The following CNTN6 variants were observed in gnomAD, a reference collection of about 807,000 sequenced individuals.
CNTN6 encodes contactin 6, also known as contactin-6.
Under a neutral mutation model 122.8 loss-of-function variants are expected in CNTN6, and 137 were observed. The ratio of observed to expected loss-of-function variants is 1.12; its 90% CI spans 0.97 to 1.29. The LOEUF is 1.29. CNTN6 is among the 50% of genes most tolerant of loss of function. The pLI, the probability that CNTN6 is intolerant of heterozygous loss-of-function variation, is 0.00. For synonymous variants in CNTN6, 570 were observed against 426.0 expected (o/e 1.34, Z -4.16); for missense variants, 1,634 against 1,223.4 (o/e 1.34, Z -5.01).
intron 10 of CNTN6, 48 bp downstream of exon 10, chr3:1,327,634 A>G (rs1202783274): frequency 6.3e-7 from 1 of 1,588,268 alleles, no homozygotes; most frequent in African/African-American, 1.3e-5. Context: ...CGTTTTAACA[A>G]GCTATAATTA....
Position 1,329,831 on chromosome 3 carries a change from T to C in CNTN6, c.1260T>C (p.Phe420=). The C allele has an allele frequency of 6.2e-7, 1 of 1,609,564 alleles. No individual in the cohort carries two copies. The highest frequency in any genetic ancestry group is 8.5e-7 in the Non-Finnish European group (1 of 1,177,826). ...AAAGTCCAGTTAAAAAAAAGTCTTT[T>C]GTTCAAGTTGGTGGGGATATTGTTA... ...FSKSPVKKKS[F]VQVGGDIVIG... is the part of the protein sequence containing the mutation. The change falls in exon 11 of 23, where the codon TTT becomes TTC. Residue 420 remains phenylalanine (F), a synonymous_variant. Transcript: ENST00000446702.
chr3:1,218,879 T>G (rs764748851), intron 2 of CNTN6, among the ~76,000 whole-genome samples: 1 of 152,168 alleles, frequency 6.6e-6, no homozygotes, highest in Non-Finnish European at 1.5e-5. Flanking sequence ...GTTTTTGTTT[T>G]TAACAACAAC....
intron 1 of CNTN6, among the ~76,000 whole-genome samples, chr3:1,094,235 A>G (rs1200386233): frequency 6.6e-6 from 1 of 152,140 alleles, no homozygotes; most frequent in Non-Finnish European, 1.5e-5. Flanking sequence ...ATTGTATTTT[A>G]TAAGGAAAGA....
At position 1,236,242 on chromosome 3, in the gene CNTN6, C is replaced by T. The variant is rs549967244; in HGVS notation, c.358+8249C>T. 5.9e-5 allele frequency among the ~76,000 whole-genome samples: 9 copies of T among 152,000 alleles called. No individual in the cohort carries two copies. The South Asian group carries it at 1.7e-3, about 28-fold the overall frequency. On this transcript the variant is annotated intron_variant, in intron 4 of 22. Transcript: ENST00000446702. ...CCTCCGTATAGGACCACAGCTGATG[C>T]ACTCCCGAAGCGCCATCTCCTGACT...
intron 7 of CNTN6, among the ~76,000 whole-genome samples, chr3:1,315,076 G>T (rs560080007): frequency 1.3e-5 from 2 of 152,004 alleles, no homozygotes; most frequent in Non-Finnish European, 2.9e-5. Context: ...ACTGATATCT[G>T]TAGTTAAAAT....
At chr3:1,308,223 A>C (rs1032149221) in intron 7 of CNTN6, among the ~76,000 whole-genome samples, 2 of 151,522 alleles carry the variant, frequency 1.3e-5, no homozygotes, top group Non-Finnish European at 2.9e-5. Flanking sequence ...AGCTTTTGCC[A>C]TTGGGAGACT....
intron 2 of CNTN6, chr3:1,173,248 T>A (rs778954014): frequency 1.8e-5 from 8 of 456,594 alleles, no homozygotes; most frequent in South Asian, 1.2e-4. Flanking sequence ...GGACTTCGTC[T>A]CTGGCTTCTT....
chr3:1,288,746 G>A (rs1214706540), intron 5 of CNTN6, among the ~76,000 whole-genome samples: 1 of 151,996 alleles, frequency 6.6e-6, no homozygotes, highest in African/African-American at 2.4e-5. Flanking sequence ...CTATATAATG[G>A]GTATAATTGC....
In CNTN6 at chr3:1,298,003, GTTT is replaced by G; in HGVS notation, c.761+15_761+17del. 6.9e-7 allele frequency: 1 copy of G among 1,449,452 alleles called. No homozygotes were observed. The highest frequency in any genetic ancestry group is 3.1e-5 in the African/African-American group (1 of 31,878). The allele number at this position is 1,449,452 out of a possible 1,614,324, so 89.8% of individuals were successfully genotyped here. A position where few individuals can be genotyped will look rare whatever the true frequency, so the allele number is the denominator to read the frequency against. On this transcript the variant is annotated intron_variant, in intron 7 of 22. Coordinates refer to ENST00000446702, the MANE Select transcript of CNTN6 (RefSeq NM_001289080.2). The stretch of plus-strand genomic sequence containing the variant: ...TTTGCCCTTGGAAAGTAAGGTTTTT[GTTT>G]TTGTTTTTGTTTTCCTGGTTGCATT...
intron 1 of CNTN6, among the ~76,000 whole-genome samples, chr3:1,139,133 G>A (rs1374406191): frequency 6.6e-6 from 1 of 152,088 alleles, no homozygotes; most frequent in African/African-American, 2.4e-5. Context: ...ATTTGTTTAT[G>A]TCTTGAGTAA....
At chr3:1,348,137 T>A (rs1705027974) in intron 11 of CNTN6, among the ~76,000 whole-genome samples, 2 of 96,482 alleles carry the variant, frequency 2.1e-5, no homozygotes, top group Non-Finnish European at 4.2e-5. Flanking sequence ...CAGGTAATAT[T>A]AGTATTTCTA....
At chr3:1,143,180 T>C (rs1291306686) in intron 1 of CNTN6, among the ~76,000 whole-genome samples, 2 of 151,954 alleles carry the variant, frequency 1.3e-5, no homozygotes, top group East Asian at 3.9e-4. Flanking sequence ...CAAGCTTTCA[T>C]GTAATTTTCA....
chr3:1,298,601 C>A (rs187035775), intron 7 of CNTN6, among the ~76,000 whole-genome samples: 19 of 152,180 alleles, frequency 1.2e-4, no homozygotes, highest in African/African-American at 4.1e-4. Context: ...ATATCTAGAA[C>A]CCCTCTTTGC....
intron 4 of CNTN6, among the ~76,000 whole-genome samples, chr3:1,236,892 A>G (rs991923306): frequency 6.6e-6 from 1 of 152,082 alleles, no homozygotes; most frequent in African/African-American, 2.4e-5. Flanking sequence ...CATCCTGGCT[A>G]ACATGGTGAA....
intron 1 of CNTN6, among the ~76,000 whole-genome samples, chr3:1,142,262 A>T (rs570954212): frequency 1.3e-5 from 2 of 152,082 alleles, no homozygotes; most frequent in South Asian, 4.2e-4. Context: ...AGAAACTCTT[A>T]ATGTTGTTTG....
intron 4 of CNTN6, among the ~76,000 whole-genome samples, chr3:1,252,129 AT>A (rs1382957923): frequency 1.3e-5 from 2 of 152,052 alleles, no homozygotes; most frequent in Middle Eastern, 3.2e-3. Context: ...TTGGCCTTTT[AT>A]TTTTATCTCA....
At chr3:1,122,236 C>G (rs1463281188) in intron 1 of CNTN6, among the ~76,000 whole-genome samples, 1 of 150,944 alleles carries the variant, frequency 6.6e-6, no homozygotes, top group Non-Finnish European at 1.5e-5. Context: ...TGACCCCAAC[C>G]TTGCAGGAAA....
At chr3:1,324,924 A>G (rs900789564) in intron 8 of CNTN6, among the ~76,000 whole-genome samples, 3 of 150,202 alleles carry the variant, frequency 2.0e-5, no homozygotes, top group African/African-American at 7.5e-5. Context: ...GCAATTACAA[A>G]TATAAAGCAT....
chr3:1,254,664 A>T (rs559273917), intron 4 of CNTN6, among the ~76,000 whole-genome samples: 6 of 152,336 alleles, frequency 3.9e-5, no homozygotes, highest in Non-Finnish European at 7.3e-5. Flanking sequence ...AGCATAAAAA[A>T]TGTAATAAAT....
Sources: gnomAD v4.1 joint callset for allele counts (sites outside exome capture counted in the v4.1 genomes callset) on GRCh38, gnomAD v4.1.1 for gene constraint, MANE v1.5 for transcripts, NCBI Gene and HGNC (gene_info 2026-07-23, HGNC 2026-07-21) for gene names.